Variants in TBPL1 observed in about 807,000 individuals in gnomAD.
The protein encoded by TBPL1 is TATA box-binding protein-like 1.
A neutral mutation model predicts 22.1 loss-of-function variants in TBPL1; 4 were observed. The ratio of observed to expected loss-of-function variants is 0.18; its 90% CI spans 0.09 to 0.41. The LOEUF (loss-of-function observed/expected upper bound fraction) is 0.41. TBPL1 is among the 10% of genes least tolerant of loss of function. The pLI, the probability that TBPL1 is intolerant of heterozygous loss-of-function variation, is 1.00. For missense variants in TBPL1, 115 were observed against 222.3 expected (o/e 0.52, Z 3.07); for synonymous variants, 64 against 71.0 (o/e 0.90, Z 0.50).
At chr6:133,980,360 CT>C in intron 2 of TBPL1, 100 bp downstream of exon 2, 2 of 1,303,284 alleles carry the variant, frequency 1.5e-6, no homozygotes, top group Non-Finnish European at 2.0e-6. Flanking sequence ...TTATGAGCAC[CT>C]TACCATGTGC....
intron 6 of TBPL1, 152 bp from the exon 7 acceptor site, chr6:133,986,809 T>C: frequency 2.0e-6 from 1 of 501,778 alleles, no homozygotes; most frequent in Non-Finnish European, 3.5e-6. Flanking sequence ...TTATTATGGC[T>C]ATGTGTATAA....
At chr6:133,973,475 A>G (rs1458223700) in intron 1 of TBPL1, among the ~76,000 whole-genome samples, 2 of 152,122 alleles carry the variant, frequency 1.3e-5, no homozygotes, top group Non-Finnish European at 2.9e-5. Context: ...CGTTTTTATG[A>G]CAGGGTTTAT....
chr6:133,955,648 A>G (rs112305117), intron 1 of TBPL1, among the ~76,000 whole-genome samples: 4,536 of 152,324 alleles, frequency 0.03, 100 homozygotes, highest in Non-Finnish European at 0.043. Context: ...AAGGTATATT[A>G]AAATTTTTGA....
chr6:133,968,264 T>C (rs922887411), intron 1 of TBPL1, among the ~76,000 whole-genome samples: 5 of 152,172 alleles, frequency 3.3e-5, no homozygotes, highest in African/African-American at 9.7e-5. Context: ...ATTTCTTATA[T>C]AATCAGAAAA....
chr6:133,955,301 C>T (rs1323349130), intron 1 of TBPL1, among the ~76,000 whole-genome samples: 1 of 150,602 alleles, frequency 6.6e-6, no homozygotes, highest in Admixed American at 6.7e-5. Context: ...CCTTTATTAA[C>T]AATGCAGTGT....
intron 1 of TBPL1, among the ~76,000 whole-genome samples, chr6:133,955,837 CA>C (rs1345960933): frequency 2.0e-5 from 3 of 152,076 alleles, no homozygotes; most frequent in Admixed American, 6.5e-5. Flanking sequence ...TATATTCTGC[CA>C]AATTTGAGGG....
chr6:133,968,038 CT>C (rs1776151455), intron 1 of TBPL1, among the ~76,000 whole-genome samples: 1 of 145,592 alleles, frequency 6.9e-6, no homozygotes, highest in Admixed American at 6.9e-5. Flanking sequence ...GAGACAGAGT[CT>C]TGCTTTGTCA....
rs1326451399 is a variant in TBPL1 at position 133,973,972 on chromosome 6, TG to T, written c.-44-6109del. 3.3e-5 allele frequency among the ~76,000 whole-genome samples: 5 copies of T among 149,694 alleles called. No individual in the cohort carries two copies. The East Asian group carries it at 9.7e-4, about 29-fold the overall frequency. On this transcript the variant is annotated intron_variant, in intron 1 of 6. Coordinates refer to ENST00000237264, the MANE Select transcript of TBPL1 (RefSeq NM_004865.4). ...TAAACCTAACATATATATATATATT[TG>T]TTTTTTTATTTTAAAGCATCCAGAC...
At chr6:133,968,658 G>C (rs1776164790) in intron 1 of TBPL1, among the ~76,000 whole-genome samples, 1 of 152,026 alleles carries the variant, frequency 6.6e-6, no homozygotes, top group South Asian at 2.1e-4. Context: ...TACTGTCTTA[G>C]CATCCAAGTT....
upstream of TBPL1, chr6:133,952,187 C>A (rs1432159089): frequency 6.6e-6 from 1 of 152,274 alleles, no homozygotes; most frequent in African/African-American, 2.4e-5. This position sits in a 1 kb window ranked among gnomAD's most constrained non-coding sequence, Gnocchi z 4.5. Context: ...ACGCGATTTT[C>A]GCTCCCGCGG....
intron 1 of TBPL1, among the ~76,000 whole-genome samples, chr6:133,971,715 G>A (rs941731675): frequency 1.3e-5 from 2 of 151,900 alleles, no homozygotes; most frequent in African/African-American, 2.4e-5. Context: ...TATACCTGTT[G>A]GCCATTGGTA....
At chr6:133,978,168 C>T (rs956483150) in intron 1 of TBPL1, among the ~76,000 whole-genome samples, 5 of 152,150 alleles carry the variant, frequency 3.3e-5, no homozygotes, top group Non-Finnish European at 5.9e-5. Context: ...AGAAAACCTG[C>T]TGCTGTCCAG....
rs368007985 is a variant in TBPL1 at position 133,966,343 on chromosome 6, A to G, written c.-45+12918A>G. Reference sequence around the variant, plus strand: ...AGTTTGTAGTGTGGAAAACTGTGATATAAGTATGTATAGTAACATTACCAT... The same window carrying G: ...AGTTTGTAGTGTGGAAAACTGTGATGTAAGTATGTATAGTAACATTACCAT... On this transcript the variant is annotated intron_variant, in intron 1 of 6. Transcript: ENST00000237264. 1.7e-4 allele frequency among the ~76,000 whole-genome samples: 26 copies of G among 152,330 alleles called. No homozygotes were observed. The East Asian group carries it at 2.1e-3, about 12-fold the overall frequency.
At chr6:133,976,437 T>C (rs1776313244) in intron 1 of TBPL1, among the ~76,000 whole-genome samples, 1 of 152,196 alleles carries the variant, frequency 6.6e-6, no homozygotes, top group Non-Finnish European at 1.5e-5. Flanking sequence ...TTCTGGTGTT[T>C]AACTGTAGGT....
chr6:133,952,267 G>A (rs55972523), upstream of TBPL1: 5,215 of 152,364 alleles, frequency 0.034, 140 homozygotes, highest in Non-Finnish European at 0.055. This position sits in a 1 kb window ranked among gnomAD's most constrained non-coding sequence, Gnocchi z 4.5. Context: ...CGGTTCAAAC[G>A]GGCCATTGTG....
chr6:133,986,912 C>T, intron 6 of TBPL1, 49 bp from the exon 7 acceptor site: 2 of 1,305,658 alleles, frequency 1.5e-6, no homozygotes, highest in Non-Finnish European at 2.1e-6. Flanking sequence ...TTTCCTAGTG[C>T]TCCCTTTTCC....
rs760489757 is a variant in TBPL1, at chr6:133,988,973, T to G, written c.*1933T>G. ...GGTACAGATCCAGATGATGTAACCT[T>G]TTTAGTATTCGCATGACTTGAAAAC... On this transcript the variant is annotated 3_prime_UTR_variant, in exon 7 of 7. Transcript: ENST00000237264. The G allele has an allele frequency of 6.6e-6, 1 of 152,150 alleles. No individual in the cohort carries two copies. Among genetic ancestry groups the G allele is most frequent in the African/African-American group, 2.4e-5 (1 of 41,454 alleles). 9.4% of individuals were successfully genotyped at this position (152,150 alleles called of 1,614,324 possible).
At chr6:133,981,521 G>T (rs191883688) in intron 2 of TBPL1, among the ~76,000 whole-genome samples, 31 of 152,272 alleles carry the variant, frequency 2.0e-4, no homozygotes, top group Middle Eastern at 6.8e-3. Flanking sequence ...AGACAAGCTG[G>T]TGATGGTGAG....
chr6:133,977,501 G>C (rs947902587), intron 1 of TBPL1, among the ~76,000 whole-genome samples: 11 of 152,094 alleles, frequency 7.2e-5, no homozygotes, highest in African/African-American at 2.7e-4. Flanking sequence ...AGTAAATTCA[G>C]AGTAGAGTAG....
Sources: gnomAD v4.1 joint callset for allele counts (sites outside exome capture counted in the v4.1 genomes callset) on GRCh38, gnomAD v4.1.1 for gene constraint, Gnocchi (gnomAD v3.1) non-coding constraint, MANE v1.5 for transcripts, NCBI Gene and HGNC (gene_info 2026-07-23, HGNC 2026-07-21) for gene names.